The following TPD52L1 variants were observed in gnomAD, a reference collection of about 807,000 sequenced individuals.
TPD52L1 encodes TPD52 like 1, also known as tumor protein D53.
A neutral mutation model predicts 28.7 loss-of-function variants in TPD52L1; 18 were observed. The ratio of observed to expected loss-of-function variants is 0.63; its 90% CI spans 0.43 to 0.93. The LOEUF (loss-of-function observed/expected upper bound fraction) is 0.93. TPD52L1 is among the 40% of genes least tolerant of loss of function. The probability of loss-of-function intolerance (pLI) is 0.00; values close to 1 mark genes in which losing one functional copy is unlikely to be tolerated. For missense variants in TPD52L1, 203 were observed against 254.8 expected, an observed-to-expected ratio of 0.80 and a Z score of 1.39; for synonymous variants, 75 against 88.8, an observed-to-expected ratio of 0.84 and a Z score of 0.88.
At chr6:125,256,883 C>G (rs1332582594) in intron 5 of TPD52L1, among the ~76,000 whole-genome samples, 1 of 152,226 alleles carries the variant, frequency 6.6e-6, no homozygotes, top group Non-Finnish European at 1.5e-5. Context: ...GTGTACTGAT[C>G]ATTTTACCTA....
chr6:125,238,186 CTATT>C (rs1429142484), intron 3 of TPD52L1, among the ~76,000 whole-genome samples: 1 of 152,198 alleles, frequency 6.6e-6, no homozygotes, highest in Non-Finnish European at 1.5e-5. Flanking sequence ...CTTTGGAAAA[CTATT>C]TAGTAGCAGG....
At chr6:125,254,045 G>C in intron 5 of TPD52L1, among the ~76,000 whole-genome samples, 1 of 152,170 alleles carries the variant, frequency 6.6e-6, no homozygotes, top group East Asian at 1.9e-4. Context: ...GTGTTTGTGA[G>C]GCATAAACAA....
chr6:125,199,717 T>C (rs534298797), intron 1 of TPD52L1, among the ~76,000 whole-genome samples: 1 of 152,292 alleles, frequency 6.6e-6, no homozygotes, highest in East Asian at 1.9e-4. Flanking sequence ...AAAGGAGATA[T>C]TAAGTTTAGC....
At position 125,229,168 on chromosome 6, in the gene TPD52L1, G is replaced by T; in HGVS notation, c.186G>T (p.Arg62Ser). The T allele has an allele frequency of 1.9e-6, 3 of 1,613,220 alleles. No individual in the cohort carries two copies. The highest frequency in any genetic ancestry group is 1.1e-5 in the South Asian group (1 of 90,978). The change falls in exon 3 of 7, where the codon AGG becomes AGT. Residue 62 changes from arginine to serine, a missense_variant. Physicochemically the swap from Arg to Ser is moderately radical, Grantham distance 110. Coordinates refer to ENST00000534000, the MANE Select transcript of TPD52L1 (RefSeq NM_003287.4). ...TLRQVLSAKE[R>S]HLVEIKQKLG... Reference sequence around the variant, plus strand: ...GACAAGTTTTGTCAGCGAAAGAAAGGCATCTAGTTGAGATAAAACAAAAAC... The same window carrying T: ...GACAAGTTTTGTCAGCGAAAGAAAGTCATCTAGTTGAGATAAAACAAAAAC...
chr6:125,251,891 T>C, intron 4 of TPD52L1: 1 of 807,654 alleles, frequency 1.2e-6, no homozygotes, highest in Non-Finnish European at 2.0e-6. Context: ...TAATCAAGAG[T>C]GGTAAATGAA....
chr6:125,262,962 A>T lies in TPD52L1; in HGVS notation c.615A>T (p.Ter205TyrextTer49), dbSNP rs780277801. 3 of 1,612,846 alleles carry T rather than the reference A, an allele frequency of 1.9e-6. No individual in the cohort carries two copies. The highest frequency in any genetic ancestry group is 2.5e-6 in the Non-Finnish European group (3 of 1,179,470). ...CCAAGGAGGAGGAGCTGCAGTGCTA[A>T]GTCCAGCCAGCGTGCAGCTGCATCC... ...RRTKEEELQC[*>Y] Residue 205 changes from the stop codon to tyrosine, a stop_lost, in exon 7 of 7, where the codon TAA becomes TAT. Coordinates refer to ENST00000534000, the MANE Select transcript of TPD52L1 (RefSeq NM_003287.4).
chr6:125,172,537 T>TATATATATATATAATATATATATATATA (rs1791522816), intron 1 of TPD52L1, among the ~76,000 whole-genome samples: 2 of 88,882 alleles, frequency 2.3e-5, no homozygotes, highest in African/African-American at 1.0e-4. Flanking sequence ...TATATATATA[T>TATATATATATATAATATATATATATATA]ATATATATAT....
intron 1 of TPD52L1, among the ~76,000 whole-genome samples, chr6:125,189,737 T>C (rs989755332): frequency 2.6e-5 from 4 of 152,344 alleles, no homozygotes; most frequent in Non-Finnish European, 4.4e-5. Context: ...ATTCTCATTG[T>C]TATTTCCTTT....
At chr6:125,238,736 GAAAGCAAGATTTA>G (rs1454606647) in intron 3 of TPD52L1, among the ~76,000 whole-genome samples, 1 of 152,284 alleles carries the variant, frequency 6.6e-6, no homozygotes, top group African/African-American at 2.4e-5. Flanking sequence ...ACTAGACTCA[GAAAGCAAGATTTA>G]AAAGCAAGAT....
chr6:125,229,374 A>G (rs1042781554), intron 3 of TPD52L1, 108 bp downstream of exon 3: 87 of 1,033,346 alleles, frequency 8.4e-5, no homozygotes, highest in Admixed American at 2.7e-4. Flanking sequence ...TGAAGCTAGG[A>G]AAAAAAAATA....
At chr6:125,238,837 C>A (rs915426571) in intron 3 of TPD52L1, among the ~76,000 whole-genome samples, 2 of 152,198 alleles carry the variant, frequency 1.3e-5, no homozygotes, top group African/African-American at 4.8e-5. Context: ...CTTCCTACCA[C>A]AGTTATATTT....
chr6:125,231,876 C>T (rs73579714), intron 3 of TPD52L1, among the ~76,000 whole-genome samples: 9,505 of 152,072 alleles, frequency 0.063, 433 homozygotes, highest in African/African-American at 0.13. Context: ...ATCTTAATGC[C>T]GATCCCATAG....
intron 1 of TPD52L1, among the ~76,000 whole-genome samples, chr6:125,199,502 A>G (rs1379828451): frequency 6.6e-6 from 1 of 152,218 alleles, no homozygotes; most frequent in Non-Finnish European, 1.5e-5. Context: ...CCTGACCAAC[A>G]TGGTAAAACC....
Position 125,260,968 on chromosome 6 carries a change from GAAAGAAAGAAAAGAAAA to G in TPD52L1, c.487-1865_487-1849del, listed in dbSNP as rs1797935149. The G allele has an allele frequency of 4.5e-5, 2 of 44,582 alleles. 1 individual carries two copies. Among genetic ancestry groups the G allele is most frequent in the African/African-American group, 3.8e-4 (2 of 5,208 alleles). 2.8% of individuals were successfully genotyped at this position (44,582 alleles called of 1,614,324 possible). A position where few individuals can be genotyped will look rare whatever the true frequency, so the allele number is the denominator to read the frequency against. ...AGAAAGAAAGAAAGAAAGAAAGAAA[GAAAGAAAGAAAAGAAAA>G]GAAAGAAAGAAAGAAAGAAAGAAAG... On this transcript the variant is annotated intron_variant, in intron 6 of 6. Coordinates refer to ENST00000534000, the MANE Select transcript of TPD52L1 (RefSeq NM_003287.4).
intron 1 of TPD52L1, among the ~76,000 whole-genome samples, chr6:125,176,124 C>A (rs1050720222): frequency 1.4e-5 from 2 of 144,264 alleles, no homozygotes; most frequent in Non-Finnish European, 3.0e-5. Context: ...TTGGCAACAC[C>A]TGTTCAAATT....
intron 4 of TPD52L1, among the ~76,000 whole-genome samples, chr6:125,251,122 G>T (rs1440083394): frequency 7.2e-6 from 1 of 138,586 alleles, no homozygotes; most frequent in East Asian, 2.1e-4. Context: ...CTTAATAAAA[G>T]ACCTTAAATG....
chr6:125,262,817 G>A lies in TPD52L1; in HGVS notation c.487-17G>A, dbSNP rs1271363065. On this transcript the variant is annotated splice_polypyrimidine_tract_variant and intron_variant, in intron 6 of 6. Coordinates refer to ENST00000534000, the MANE Select transcript of TPD52L1 (RefSeq NM_003287.4). ...TAGTAACAACTAACTGCATTTTTGT[G>A]GATCTGCTCATTTCAGACGAAAGTA... The A allele has an allele frequency of 6.3e-7, 1 of 1,591,082 alleles. No homozygotes were observed. Among genetic ancestry groups the A allele is most frequent in the Middle Eastern group, 1.7e-4 (1 of 5,926 alleles).
intron 1 of TPD52L1, chr6:125,203,531 G>A: frequency 1.7e-6 from 1 of 594,344 alleles, no homozygotes; most frequent in Non-Finnish European, 2.1e-6. Context: ...TGGAGGAGCT[G>A]AGGATATTTG....
chr6:125,214,262 G>A (rs191844223), intron 1 of TPD52L1, among the ~76,000 whole-genome samples: 91 of 152,302 alleles, frequency 6.0e-4, no homozygotes, highest in Middle Eastern at 3.4e-3. Flanking sequence ...AAGGGTAGAG[G>A]AGGGTAGAGA....
Sources: gnomAD v4.1 joint callset for allele counts (sites outside exome capture counted in the v4.1 genomes callset) on GRCh38, gnomAD v4.1.1 for gene constraint, MANE v1.5 for transcripts, NCBI Gene and HGNC (gene_info 2026-07-23, HGNC 2026-07-21) for gene names.